Variants in MAGI2 observed in about 807,000 individuals in gnomAD.
MAGI2 encodes the protein membrane-associated guanylate kinase, WW and PDZ domain-containing protein 2.
Under a neutral mutation model 133.3 loss-of-function variants are expected in MAGI2, and 35 were observed. That is an observed-to-expected ratio of 0.26 (90% CI 0.20 to 0.35). The LOEUF is 0.35. Ranked by LOEUF, MAGI2 falls within the 10% of genes least tolerant of loss-of-function variation. The pLI is 1.00. For synonymous variants in MAGI2, 729 were observed against 710.6 expected, an observed-to-expected ratio of 1.03 and a Z score of -0.41; for missense variants, 1,636 against 1,863.4, an observed-to-expected ratio of 0.88 and a Z score of 2.25.
chr7:79,411,748 T>C, intron 1 of MAGI2: 1 of 152,124 alleles, frequency 6.6e-6, no homozygotes, highest in Non-Finnish European at 1.5e-5. Context: ...CACCCCTTTC[T>C]TTAAAGGGAA....
At chr7:78,040,320 G>T (rs113886559) in intron 21 of MAGI2, among the ~76,000 whole-genome samples, 1 of 145,268 alleles carries the variant, frequency 6.9e-6, no homozygotes, top group Non-Finnish European at 1.5e-5. Flanking sequence ...CCCACCCTCT[G>T]TCCAAGCAGA....
chr7:79,277,202 C>T (rs942372318), intron 1 of MAGI2, among the ~76,000 whole-genome samples: 2 of 152,058 alleles, frequency 1.3e-5, no homozygotes, highest in Non-Finnish European at 2.9e-5. Context: ...CAGCAACTAC[C>T]ACCCTGATGA....
At chr7:78,746,411 G>C (rs934359523) in intron 2 of MAGI2, among the ~76,000 whole-genome samples, 5 of 152,142 alleles carry the variant, frequency 3.3e-5, no homozygotes, top group Non-Finnish European at 5.9e-5. Context: ...CTTATTCCGG[G>C]ACAGAACATC....
intron 3 of MAGI2, among the ~76,000 whole-genome samples, chr7:78,605,438 A>T (rs1431035880): frequency 6.6e-6 from 1 of 152,222 alleles, no homozygotes; most frequent in Non-Finnish European, 1.5e-5. Context: ...ACTGATTAAC[A>T]TGTAGAATTT....
chr7:79,254,257 T>C (rs1391024405), intron 1 of MAGI2, among the ~76,000 whole-genome samples: 6 of 152,146 alleles, frequency 3.9e-5, no homozygotes, highest in Admixed American at 6.5e-5. Context: ...GAATTCTCTG[T>C]ATAAAATAAA....
At chr7:78,337,936 T>A (rs1202326470) in intron 9 of MAGI2, among the ~76,000 whole-genome samples, 2 of 137,182 alleles carry the variant, frequency 1.5e-5, no homozygotes, top group East Asian at 4.0e-4. Flanking sequence ...AAGAAGTACT[T>A]ATGAGCACCT....
chr7:78,913,396 A>G (rs756042844), intron 2 of MAGI2, among the ~76,000 whole-genome samples: 6 of 152,066 alleles, frequency 3.9e-5, no homozygotes, highest in Non-Finnish European at 7.4e-5. Context: ...GCACAGTGCT[A>G]TTTCCCCCTT....
At chr7:79,109,502 A>C (rs1029200341) in intron 1 of MAGI2, among the ~76,000 whole-genome samples, 1 of 152,232 alleles carries the variant, frequency 6.6e-6, no homozygotes, top group African/African-American at 2.4e-5. Flanking sequence ...GGAGCAAAGC[A>C]TTCAAGCTGT....
At chr7:79,244,873 G>A (rs1436345071) in intron 1 of MAGI2, among the ~76,000 whole-genome samples, 1 of 152,158 alleles carries the variant, frequency 6.6e-6, no homozygotes, top group African/African-American at 2.4e-5. Flanking sequence ...GAGGAGTGGG[G>A]AGAGTAAAGA....
chr7:78,326,869 C>T (rs929394226), intron 9 of MAGI2, among the ~76,000 whole-genome samples: 1 of 152,188 alleles, frequency 6.6e-6, no homozygotes, highest in Non-Finnish European at 1.5e-5. Context: ...TGCCTTTCCC[C>T]TCCCTTCATT....
At chr7:78,477,672 GC>G (rs1317563650) in intron 6 of MAGI2, among the ~76,000 whole-genome samples, 1 of 151,824 alleles carries the variant, frequency 6.6e-6, no homozygotes, top group Non-Finnish European at 1.5e-5. Context: ...AGGGGAAACC[GC>G]CCCCATGACT....
chr7:78,222,187 A>G (rs1480668867), intron 10 of MAGI2, among the ~76,000 whole-genome samples: 1 of 152,152 alleles, frequency 6.6e-6, no homozygotes, highest in Non-Finnish European at 1.5e-5. Flanking sequence ...TGCCTGAAAT[A>G]TGCCCCATTC....
At chr7:78,710,574 T>C (rs1022047757) in intron 2 of MAGI2, among the ~76,000 whole-genome samples, 2 of 152,180 alleles carry the variant, frequency 1.3e-5, no homozygotes, top group African/African-American at 4.8e-5. Flanking sequence ...CTCAGGGGGC[T>C]ATTGCAAGGG....
intron 10 of MAGI2, among the ~76,000 whole-genome samples, chr7:78,232,324 G>C (rs1790063331): frequency 6.6e-6 from 1 of 152,070 alleles, no homozygotes; most frequent in Non-Finnish European, 1.5e-5. Context: ...CTGTTGCTGG[G>C]TTTATAACAA....
At chr7:78,785,616 C>G (rs758868595) in intron 2 of MAGI2, among the ~76,000 whole-genome samples, 1 of 152,108 alleles carries the variant, frequency 6.6e-6, no homozygotes, top group Non-Finnish European at 1.5e-5. Flanking sequence ...CACATAATTG[C>G]TTCTCTCACG....
intron 1 of MAGI2, among the ~76,000 whole-genome samples, chr7:79,242,431 T>C (rs919330315): frequency 2.6e-5 from 4 of 152,240 alleles, no homozygotes; most frequent in South Asian, 2.1e-4. Flanking sequence ...CCCTACTTGA[T>C]ATATTAGTGA....
rs576463005 is a variant in MAGI2 at position 78,927,434 on chromosome 7, T to C, written c.418+79656A>G. Among the ~76,000 whole-genome samples, 6 of 152,142 alleles carry C rather than the reference T, an allele frequency of 3.9e-5. No individual in the cohort carries two copies. In the South Asian group the frequency reaches 6.2e-4, roughly 16 times the overall value. ...TCACCAAGTTCATTTAGGAAGTTAG[T>C]GGTGAAATCAAGGCAAAAATCCAAA... is the stretch of plus-strand genomic sequence containing the variant. On this transcript the variant is annotated intron_variant, in intron 2 of 21. Transcript: ENST00000354212.
intron 21 of MAGI2, among the ~76,000 whole-genome samples, chr7:78,054,589 C>CTTTTT (rs3972364): frequency 0.13 from 18,076 of 141,428 alleles, 1,432 homozygotes; most frequent in African/African-American, 0.2. Context: ...CATAGGCATA[C>CTTTTT]TTTTTTTTTT....
chr7:78,403,964 A>G (rs1195822701), intron 6 of MAGI2, among the ~76,000 whole-genome samples: 7 of 152,226 alleles, frequency 4.6e-5, no homozygotes, highest in Non-Finnish European at 7.3e-5. Flanking sequence ...AACTTCAGCA[A>G]AGACTCAGGA....
Sources: allele counts gnomAD v4.1 joint callset (sites outside exome capture counted in the v4.1 genomes callset), GRCh38; gene constraint gnomAD v4.1.1; transcripts MANE v1.5; gene names NCBI Gene and HGNC (gene_info 2026-07-23, HGNC 2026-07-21).